Variants in SGPP1 observed in about 807,000 individuals in gnomAD.
The protein encoded by SGPP1 is sphingosine-1-phosphate phosphatase 1.
Under a neutral mutation model 33.0 loss-of-function variants are expected in SGPP1, and 21 were observed. The observed-to-expected ratio is 0.64, with a 90% CI of 0.45 to 0.92. SGPP1 has a LOEUF of 0.92. Ranked by LOEUF, SGPP1 falls within the 40% of genes least tolerant of loss-of-function variation. SGPP1 has a pLI of 0.00. For missense variants in SGPP1, 543 were observed against 589.4 expected (o/e 0.92, Z 0.81); for synonymous variants, 239 against 241.2 (o/e 0.99, Z 0.08).
intron 1 of SGPP1, among the ~76,000 whole-genome samples, chr14:63,704,790 G>A (rs1478576563): frequency 1.3e-5 from 2 of 152,288 alleles, no homozygotes; most frequent in East Asian, 3.9e-4. Flanking sequence ...CCAAAAGCAT[G>A]TGTAACAAAA....
rs55989059 is a variant in SGPP1, at chr14:63,698,623, G to C, written c.720C>G (p.Cys240Trp). Residue 240 changes from cysteine to tryptophan, a missense_variant, in exon 2 of 3, where the codon TGC becomes TGG. By Grantham distance (215) the Cys-to-Trp change is radical (BLOSUM62 -2). Transcript: ENST00000247225. ...PLIYGLILIP[C>W]WCSLVCLSRI... ...TACTTAGGCAAACTAGAGAACACCA[G>C]CAGGGAATAAGAATCAGTCCATATA... 1 of 1,603,822 alleles carries C rather than the reference G, an allele frequency of 6.2e-7. No individual in the cohort carries two copies. The highest frequency in any genetic ancestry group is 8.5e-7 in the Non-Finnish European group (1 of 1,174,212).
chr14:63,716,610 T>G (rs1387899633), intron 1 of SGPP1, among the ~76,000 whole-genome samples: 1 of 152,090 alleles, frequency 6.6e-6, no homozygotes, highest in African/African-American at 2.4e-5. Flanking sequence ...GGAGGTTCCC[T>G]TAAACCCAAG....
chr14:63,723,152 T>C (rs1885811003), intron 1 of SGPP1, among the ~76,000 whole-genome samples: 3 of 152,178 alleles, frequency 2.0e-5, no homozygotes, highest in African/African-American at 4.8e-5. Context: ...AACGTCATAT[T>C]GTTTATCTTA....
chr14:63,697,329 A>G (rs1358885286), intron 2 of SGPP1, among the ~76,000 whole-genome samples: 1 of 152,162 alleles, frequency 6.6e-6, no homozygotes. Context: ...AGAAACCAAC[A>G]TTTCTATAAC....
At chr14:63,717,466 C>T (rs1194060952) in intron 1 of SGPP1, among the ~76,000 whole-genome samples, 2 of 152,028 alleles carry the variant, frequency 1.3e-5, no homozygotes. Flanking sequence ...GGACTACAGG[C>T]ACCCACCATC....
Position 63,727,316 on chromosome 14 carries a change from A to G in SGPP1, c.629T>C (p.Met210Thr). 1 of 1,614,056 alleles carries G rather than the reference A, an allele frequency of 6.2e-7. No homozygotes were observed. Among genetic ancestry groups the G allele is most frequent in the East Asian group, 2.2e-5 (1 of 44,874 alleles). ...SEYSMPSTHA[M>T]SGTAIPISMV... is the part of the protein sequence containing the mutation. ...AGAAATGGGGATGGCGGTGCCGGAC[A>G]TGGCATGGGTGGAGGGCATGCTGTA... Residue 210 changes from methionine (M) to threonine (T), a missense_variant, in exon 1 of 3, where the codon ATG (methionine) becomes ACG (threonine). Met to Thr is a moderately conservative substitution (Grantham distance 81). Coordinates refer to ENST00000247225, the MANE Select transcript of SGPP1 (RefSeq NM_030791.4).
Position 63,727,951 on chromosome 14 carries a change from G to T in SGPP1, c.-7C>A. On this transcript the variant is annotated 5_prime_UTR_variant, in exon 1 of 3. Coordinates refer to ENST00000247225, the MANE Select transcript of SGPP1 (RefSeq NM_030791.4). ...GGCGCTGCCTCAGCGACATGATAACGGAACCCCCGGGAAGGCGGGCCGGCC... is the reference window on the plus strand; with the variant it reads ...GGCGCTGCCTCAGCGACATGATAACTGAACCCCCGGGAAGGCGGGCCGGCC... The T allele has an allele frequency of 6.5e-7, 1 of 1,541,622 alleles. No homozygotes were observed. Among genetic ancestry groups the T allele is most frequent in the Non-Finnish European group, 8.7e-7 (1 of 1,153,408 alleles).
At chr14:63,704,848 G>A (rs184245400) in intron 1 of SGPP1, among the ~76,000 whole-genome samples, 22 of 152,296 alleles carry the variant, frequency 1.4e-4, no homozygotes, top group South Asian at 6.2e-4. Flanking sequence ...CAAATTGGCC[G>A]GGTGTGGCGG....
chr14:63,697,949 T>C (rs765141412), intron 2 of SGPP1, among the ~76,000 whole-genome samples: 3 of 152,136 alleles, frequency 2.0e-5, no homozygotes, highest in Non-Finnish European at 4.4e-5. Flanking sequence ...ATCACAGTAA[T>C]CTGGTCAAGA....
chr14:63,700,857 T>C (rs1474699408), intron 1 of SGPP1, among the ~76,000 whole-genome samples: 1 of 152,130 alleles, frequency 6.6e-6, no homozygotes, highest in South Asian at 2.1e-4. Flanking sequence ...CTCTTTCCTA[T>C]AGATGTGACC....
chr14:63,717,967 C>A (rs781499876), intron 1 of SGPP1, among the ~76,000 whole-genome samples: 1 of 152,046 alleles, frequency 6.6e-6, no homozygotes. Flanking sequence ...CAAAAGTAGC[C>A]GGGCACAGTG....
chr14:63,722,490 C>T (rs577028102), intron 1 of SGPP1, among the ~76,000 whole-genome samples: 5 of 151,306 alleles, frequency 3.3e-5, no homozygotes, highest in African/African-American at 1.2e-4. Flanking sequence ...AATATCGCAC[C>T]ACTGCACTCC....
chr14:63,700,712 T>C (rs750611198), intron 1 of SGPP1, among the ~76,000 whole-genome samples: 3 of 152,136 alleles, frequency 2.0e-5, no homozygotes, highest in African/African-American at 7.2e-5. Flanking sequence ...GTTGAAGAAA[T>C]AGTAATGCTC....
At position 63,705,615 on chromosome 14, in the gene SGPP1, C is replaced by G. The variant is rs182588094; in HGVS notation, c.685-6957G>C. Among the ~76,000 whole-genome samples the G allele has an allele frequency of 2.2e-3, 341 of 151,990 alleles. 2 individuals carry two copies. The highest frequency in any genetic ancestry group is 7.9e-3 in the African/African-American group (328 of 41,448). On this transcript the variant is annotated intron_variant, in intron 1 of 2. Coordinates refer to ENST00000247225, the MANE Select transcript of SGPP1 (RefSeq NM_030791.4). ...CCTGGGAGGTAAAGGTTCCCACGAG[C>G]CAAGATCATGCCATTGCGTTCTAGC...
rs1306353392 is a variant in SGPP1 at position 63,697,254 on chromosome 14, A to G, written c.774+1315T>C. Among the ~76,000 whole-genome samples the G allele has an allele frequency of 2.0e-5, 3 of 152,330 alleles. No individual in the cohort carries two copies. The East Asian group carries it at 5.8e-4, about 29-fold the overall frequency. On this transcript the variant is annotated intron_variant, in intron 2 of 2. Coordinates refer to ENST00000247225, the MANE Select transcript of SGPP1 (RefSeq NM_030791.4). Reference sequence around the variant, plus strand: ...ACACTGCCTCCCAACAAAATAAAATAGTGTTTGGGACTTCTGGAAATTTAT... The same window carrying G: ...ACACTGCCTCCCAACAAAATAAAATGGTGTTTGGGACTTCTGGAAATTTAT...
chr14:63,694,873 C>G (rs1472532686), intron 2 of SGPP1, among the ~76,000 whole-genome samples: 2 of 151,998 alleles, frequency 1.3e-5, no homozygotes, highest in Non-Finnish European at 2.9e-5. Context: ...ATGGAATACT[C>G]CAGGTTATCG....
intron 1 of SGPP1, among the ~76,000 whole-genome samples, chr14:63,718,638 T>A (rs964234996): frequency 6.6e-6 from 1 of 151,990 alleles, no homozygotes; most frequent in African/African-American, 2.4e-5. Context: ...ATACTTGAAC[T>A]AATGTAATAT....
In SGPP1 at chr14:63,724,616, T is replaced by TAA. The variant is rs34386504; in HGVS notation, c.684+2643_684+2644dup. ...GTTTTCAATAGATAACAAGGATCTTTAAAAAAAAAAAAAAAAAAAAAAAAA... is the reference window on the plus strand; with the variant it reads ...GTTTTCAATAGATAACAAGGATCTTTAAAAAAAAAAAAAAAAAAAAAAAAAAA... On this transcript the variant is annotated intron_variant, in intron 1 of 2. Transcript: ENST00000247225. Among the ~76,000 whole-genome samples the TAA allele has an allele frequency of 8.9e-3, 758 of 84,940 alleles. 12 individuals are homozygous for TAA. Among genetic ancestry groups the TAA allele is most frequent in the African/African-American group, 0.033 (707 of 21,474 alleles). The allele number at this position is 84,940 out of a possible 152,430, so 55.7% of individuals were successfully genotyped here. A position where few individuals can be genotyped will look rare whatever the true frequency, so the allele number is the denominator to read the frequency against.
At chr14:63,692,397 C>T (rs1885107808) in intron 2 of SGPP1, among the ~76,000 whole-genome samples, 1 of 151,876 alleles carries the variant, frequency 6.6e-6, no homozygotes, top group Non-Finnish European at 1.5e-5. Context: ...TAAAAATTAA[C>T]ATTTTGAGAA....
Sources: gnomAD v4.1 joint callset for allele counts (sites outside exome capture counted in the v4.1 genomes callset) on GRCh38, gnomAD v4.1.1 for gene constraint, MANE v1.5 for transcripts, NCBI Gene and HGNC (gene_info 2026-07-23, HGNC 2026-07-21) for gene names.